OPCML: variants seen among roughly 807,000 people sequenced by gnomAD.
OPCML encodes opioid-binding protein/cell adhesion molecule.
Under a neutral mutation model 37.8 loss-of-function variants are expected in OPCML, and 13 were observed. The observed-to-expected ratio is 0.34, with a 90% CI of 0.22 to 0.55. OPCML has a LOEUF of 0.55. Among genes scored for constraint, OPCML ranks in the 20% least tolerant of loss-of-function variants. OPCML has a pLI of 0.91. For missense variants in OPCML, 341 were observed against 435.6 expected (o/e 0.78, Z 1.93); for synonymous variants, 176 against 168.8 (o/e 1.04, Z -0.33).
In OPCML at chr11:133,173,682, A is replaced by G. The variant is rs1428750525; in HGVS notation, c.62-230672T>C. Among the ~76,000 whole-genome samples the G allele has an allele frequency of 6.6e-6, 1 of 152,218 alleles. No homozygotes were observed. Among genetic ancestry groups the G allele is most frequent in the Non-Finnish European group, 1.5e-5 (1 of 68,040 alleles). On this transcript the variant is annotated intron_variant, in intron 1 of 7. Transcript: ENST00000524381. This position sits in a 1 kb window ranked among gnomAD's most constrained non-coding sequence, Gnocchi z 7.8. Reference sequence around the variant, plus strand: ...GGGTAGACACCTCCCTGCAGATAATAACGAGAACCATCAGCACCGACTTAG... The same window carrying G: ...GGGTAGACACCTCCCTGCAGATAATGACGAGAACCATCAGCACCGACTTAG...
chr11:133,198,953 TAACTC>T (rs1223594919), intron 1 of OPCML, among the ~76,000 whole-genome samples: 1 of 152,146 alleles, frequency 6.6e-6, no homozygotes, highest in East Asian at 1.9e-4. Flanking sequence ...GGAAGGTACA[TAACTC>T]AAAGCACTTA....
chr11:132,482,228 T>C (rs1029007778), intron 4 of OPCML, among the ~76,000 whole-genome samples: 3 of 152,010 alleles, frequency 2.0e-5, no homozygotes, highest in African/African-American at 7.2e-5. Flanking sequence ...TAAAAAATGA[T>C]AAAGGGGATA....
chr11:133,112,174 T>A (rs1949263874), intron 1 of OPCML, among the ~76,000 whole-genome samples: 1 of 151,642 alleles, frequency 6.6e-6, no homozygotes, highest in South Asian at 2.1e-4. Context: ...ATATTAATCT[T>A]GGGAGTATGG....
At chr11:132,547,521 T>G (rs1047546170) in intron 3 of OPCML, among the ~76,000 whole-genome samples, 10 of 152,016 alleles carry the variant, frequency 6.6e-5, no homozygotes, top group Non-Finnish European at 1.0e-4. Flanking sequence ...AACAGCCAGG[T>G]TCCAAACCCA....
intron 1 of OPCML, among the ~76,000 whole-genome samples, chr11:133,086,323 A>T (rs1465613125): frequency 2.0e-5 from 3 of 151,110 alleles, no homozygotes; most frequent in Non-Finnish European, 4.4e-5. Context: ...ATGTGATGTG[A>T]TTTTTTTTTC....
chr11:133,153,688 C>T (rs1296721157), intron 1 of OPCML, among the ~76,000 whole-genome samples: 1 of 152,116 alleles, frequency 6.6e-6, no homozygotes, highest in Non-Finnish European at 1.5e-5. Flanking sequence ...ACACCAGGCA[C>T]CTTTTTCCCT....
At chr11:132,627,006 A>G (rs1939789356) in intron 3 of OPCML, among the ~76,000 whole-genome samples, 1 of 152,070 alleles carries the variant, frequency 6.6e-6, no homozygotes, top group African/African-American at 2.4e-5. Flanking sequence ...CTAAAAAGCT[A>G]TAAATAGAGA....
chr11:133,163,616 G>T (rs1182914359), intron 1 of OPCML, among the ~76,000 whole-genome samples: 5 of 152,168 alleles, frequency 3.3e-5, no homozygotes, highest in Non-Finnish European at 5.9e-5. Context: ...CCTCTTCTCC[G>T]TCTTTCTGGC....
At chr11:133,210,663 G>T (rs189594816) in intron 1 of OPCML, among the ~76,000 whole-genome samples, 3 of 152,256 alleles carry the variant, frequency 2.0e-5, no homozygotes, top group East Asian at 1.9e-4. Flanking sequence ...AGGAGCTAAA[G>T]GTTCCAACAT....
chr11:132,435,083 A>G (rs1310809018), intron 7 of OPCML: 12 of 810,914 alleles, frequency 1.5e-5, no homozygotes, highest in Non-Finnish European at 1.6e-5. Context: ...AGGCAAGCCT[A>G]TCTTTGAAGT....
chr11:133,102,534 G>T (rs1949098391), intron 1 of OPCML, among the ~76,000 whole-genome samples: 1 of 152,132 alleles, frequency 6.6e-6, no homozygotes, highest in South Asian at 2.1e-4. Flanking sequence ...GGATCACGAG[G>T]TCAGGAGATC....
At chr11:132,564,316 A>G (rs2096417356) in intron 3 of OPCML, among the ~76,000 whole-genome samples, 1 of 152,242 alleles carries the variant, frequency 6.6e-6, no homozygotes, top group Non-Finnish European at 1.5e-5. Context: ...GTGTCCAGAG[A>G]CTACTGGAGC....
intron 1 of OPCML, among the ~76,000 whole-genome samples, chr11:133,161,985 C>CTTTTTTTTTTTTTTTTT (rs553617547): frequency 2.3e-5 from 2 of 85,482 alleles, no homozygotes; most frequent in Non-Finnish European, 4.4e-5. Flanking sequence ...CAGTCTCTGT[C>CTTTTTTTTTTTTTTTTT]TTTTTTTTTT....
intron 1 of OPCML, among the ~76,000 whole-genome samples, chr11:133,030,895 T>TC (rs57214360): frequency 0.079 from 12,052 of 152,006 alleles, 780 homozygotes; most frequent in East Asian, 0.3. Context: ...CTTTTTTTTT[T>TC]CCAAAGAAGG....
chr11:133,223,407 G>A (rs917222286), intron 1 of OPCML, among the ~76,000 whole-genome samples: 3 of 152,158 alleles, frequency 2.0e-5, no homozygotes, highest in Non-Finnish European at 2.9e-5. Context: ...AGCAGGTGCC[G>A]TGTTTTGTTT....
chr11:132,503,477 A>G (rs962918624), intron 4 of OPCML, among the ~76,000 whole-genome samples: 2 of 152,234 alleles, frequency 1.3e-5, no homozygotes, highest in African/African-American at 4.8e-5. Flanking sequence ...ATACAATTCT[A>G]TTAGCAAATA....
intron 2 of OPCML, among the ~76,000 whole-genome samples, chr11:132,884,530 G>A (rs1943336840): frequency 1.3e-5 from 2 of 152,188 alleles, no homozygotes; most frequent in Admixed American, 1.3e-4. Flanking sequence ...GGACTCATGA[G>A]GAGACATATA....
chr11:133,204,804 T>C (rs1435088485), intron 1 of OPCML, among the ~76,000 whole-genome samples: 1 of 148,918 alleles, frequency 6.7e-6, no homozygotes, highest in Non-Finnish European at 1.5e-5. Context: ...TGACCTTAAA[T>C]GAGTTCAGGA....
chr11:133,224,110 A>G (rs929702995), intron 1 of OPCML, among the ~76,000 whole-genome samples: 1 of 152,184 alleles, frequency 6.6e-6, no homozygotes, highest in East Asian at 1.9e-4. Flanking sequence ...AGAAGGTCCA[A>G]TGCTTTGTAA....
Sources: gnomAD v4.1 joint callset for allele counts (sites outside exome capture counted in the v4.1 genomes callset) on GRCh38, gnomAD v4.1.1 for gene constraint, Gnocchi (gnomAD v3.1) non-coding constraint, MANE v1.5 for transcripts, NCBI Gene and HGNC (gene_info 2026-07-23, HGNC 2026-07-21) for gene names.